The following INPP4B variants were observed in gnomAD, a reference collection of about 807,000 sequenced individuals.
The protein encoded by INPP4B is inositol polyphosphate 4-phosphatase type II.
A neutral mutation model predicts 122.5 loss-of-function variants in INPP4B; 55 were observed. The observed-to-expected ratio is 0.45, with a 90% CI of 0.36 to 0.56. The LOEUF (loss-of-function observed/expected upper bound fraction) is 0.56, where lower values mean the gene tolerates loss of function less well. Among genes scored for constraint, INPP4B ranks in the 20% least tolerant of loss-of-function variants. INPP4B has a pLI of 0.00. For synonymous variants in INPP4B, 403 were observed against 388.7 expected (o/e 1.04, Z -0.43); for missense variants, 1,000 against 1,097.7 (o/e 0.91, Z 1.26).
chr4:142,660,298 T>G (rs1386382234), intron 2 of INPP4B, among the ~76,000 whole-genome samples: 1 of 152,030 alleles, frequency 6.6e-6, no homozygotes, highest in Non-Finnish European at 1.5e-5. Flanking sequence ...GTTCTCTCTC[T>G]CCCTCACTTA....
intron 1 of INPP4B, among the ~76,000 whole-genome samples, chr4:142,825,209 A>G (rs1281579525): frequency 1.3e-5 from 2 of 152,090 alleles, no homozygotes; most frequent in Non-Finnish European, 2.9e-5. Context: ...CTTTTGTTCC[A>G]AGAGAGGATG....
intron 1 of INPP4B, among the ~76,000 whole-genome samples, chr4:142,733,127 G>A (rs1048075511): frequency 7.2e-5 from 11 of 152,058 alleles, no homozygotes; most frequent in African/African-American, 2.4e-4. Context: ...AATTTGTGGG[G>A]AAAAAGTGGA....
chr4:142,786,114 A>G (rs1201578481), intron 1 of INPP4B, among the ~76,000 whole-genome samples: 1 of 152,100 alleles, frequency 6.6e-6, no homozygotes, highest in Non-Finnish European at 1.5e-5. Context: ...ACAAATATCC[A>G]TAGGACCCAA....
At chr4:142,806,841 AAGAAAGAAAGG>A (rs1250698576) in intron 1 of INPP4B, among the ~76,000 whole-genome samples, 10 of 151,368 alleles carry the variant, frequency 6.6e-5, no homozygotes, top group African/African-American at 2.4e-4. Context: ...GAAAGAAAGA[AAGAAAGAAAGG>A]AGAAGAAAAA....
At chr4:142,051,161 C>G (rs1754375024) in intron 25 of INPP4B, among the ~76,000 whole-genome samples, 1 of 151,868 alleles carries the variant, frequency 6.6e-6, no homozygotes, top group African/African-American at 2.4e-5. Flanking sequence ...TATTCCTCCA[C>G]AAACAAGCAC....
chr4:142,039,006 T>C (rs1011350319), intron 25 of INPP4B, among the ~76,000 whole-genome samples: 2 of 152,170 alleles, frequency 1.3e-5, no homozygotes, highest in Admixed American at 1.3e-4. Context: ...CACTTCATGA[T>C]TGAGATCCCT....
At chr4:142,479,596 A>G (rs1315579306) in intron 2 of INPP4B, among the ~76,000 whole-genome samples, 2 of 152,162 alleles carry the variant, frequency 1.3e-5, no homozygotes, top group Non-Finnish European at 1.5e-5. Context: ...TAAAGAAAAT[A>G]TGGTACATAT....
intron 2 of INPP4B, among the ~76,000 whole-genome samples, chr4:142,500,530 G>A (rs1177665995): frequency 3.3e-5 from 5 of 152,130 alleles, no homozygotes; most frequent in Non-Finnish European, 7.4e-5. Context: ...TAAGCATCAG[G>A]AAAAGTAGTG....
intron 2 of INPP4B, among the ~76,000 whole-genome samples, chr4:142,676,993 G>A (rs1190960944): frequency 6.6e-6 from 1 of 152,016 alleles, no homozygotes; most frequent in African/African-American, 2.4e-5. Flanking sequence ...TTGACAAATA[G>A]AATATAATTA....
chr4:142,735,042 C>T (rs1345594848), intron 1 of INPP4B, among the ~76,000 whole-genome samples: 4 of 152,136 alleles, frequency 2.6e-5, no homozygotes, highest in African/African-American at 9.7e-5. Flanking sequence ...CAGGTGTGAT[C>T]ATTGGAGAAC....
rs66485353 is a variant in INPP4B at position 142,061,885 on chromosome 4, CATATATATATATATATAT to C, written c.2642+20128_2642+20145del. Among the ~76,000 whole-genome samples, 668 of 138,988 alleles carry C rather than the reference CATATATATATATATATAT, an allele frequency of 4.8e-3. 6 individuals carry two copies. The highest frequency in any genetic ancestry group is 0.019 in the African/African-American group (609 of 32,852). 91.2% of individuals were successfully genotyped at this position (138,988 alleles called of 152,430 possible). On this transcript the variant is annotated intron_variant, in intron 25 of 25. Coordinates refer to ENST00000262992, the MANE Select transcript of INPP4B (RefSeq NM_001101669.3). The stretch of plus-strand genomic sequence containing the variant: ...ATATGTACACACACACACACACACA[CATATATATATATATATAT>C]ATATATATATATATATATATATATA...
At chr4:142,619,644 TAAGGTTTCAGTTATGC>T (rs992215454) in intron 2 of INPP4B, among the ~76,000 whole-genome samples, 1 of 151,694 alleles carries the variant, frequency 6.6e-6, no homozygotes, top group Non-Finnish European at 1.5e-5. Flanking sequence ...CCAATAGGAG[TAAGGTTTCAGTTATGC>T]AAGGTTATTA....
rs1446370021 is a variant in INPP4B, at chr4:142,479,684, T to C, written c.-190-16958A>G. On this transcript the variant is annotated intron_variant, in intron 2 of 25. Coordinates refer to ENST00000262992, the MANE Select transcript of INPP4B (RefSeq NM_001101669.3). ...AGCAAATGAACGGAGCTGAAAGTCA[T>C]AATCCTAAGCGAACTAATGCAGGAA... is the stretch of plus-strand genomic sequence containing the variant. 4.6e-5 allele frequency among the ~76,000 whole-genome samples: 7 copies of C among 152,108 alleles called. No homozygotes were observed. The East Asian group carries it at 9.6e-4, about 21-fold the overall frequency.
chr4:142,402,776 C>A (rs141572367), intron 7 of INPP4B, among the ~76,000 whole-genome samples, 162 bp downstream of exon 7: 1 of 152,008 alleles, frequency 6.6e-6, no homozygotes, highest in Non-Finnish European at 1.5e-5. Context: ...AATTTGGCAA[C>A]GAGACAAACA....
intron 2 of INPP4B, among the ~76,000 whole-genome samples, chr4:142,665,784 C>T (rs57685634): frequency 0.024 from 3,677 of 152,136 alleles, 281 homozygotes; most frequent in Admixed American, 0.16. Flanking sequence ...ACTTCTTTTG[C>T]TTGATAAATC....
At chr4:142,610,932 C>A (rs1016525464) in intron 2 of INPP4B, among the ~76,000 whole-genome samples, 9 of 152,120 alleles carry the variant, frequency 5.9e-5, no homozygotes, top group African/African-American at 2.2e-4. Context: ...CTTTCTTGGA[C>A]CACCACAAAA....
intron 3 of INPP4B, among the ~76,000 whole-genome samples, chr4:142,432,288 CTAATAA>C (rs1177702069): frequency 6.6e-6 from 1 of 152,002 alleles, no homozygotes; most frequent in East Asian, 1.9e-4. Context: ...GTTTATAATA[CTAATAA>C]TGTCTCAAAC....
At chr4:142,272,472 C>T (rs1746331349) in intron 9 of INPP4B, among the ~76,000 whole-genome samples, 1 of 151,912 alleles carries the variant, frequency 6.6e-6, no homozygotes, top group Non-Finnish European at 1.5e-5. Flanking sequence ...AAGTGAAATG[C>T]TTCTTGGTGA....
chr4:142,684,058 CAAGAAAT>C (rs374969576), intron 2 of INPP4B, among the ~76,000 whole-genome samples: 5 of 152,048 alleles, frequency 3.3e-5, no homozygotes, highest in Non-Finnish European at 5.9e-5. Context: ...GATGAAAAGA[CAAGAAAT>C]AAGTTTGGAA....
Sources: gnomAD v4.1 joint callset for allele counts (sites outside exome capture counted in the v4.1 genomes callset) on GRCh38, gnomAD v4.1.1 for gene constraint, MANE v1.5 for transcripts, NCBI Gene and HGNC (gene_info 2026-07-23, HGNC 2026-07-21) for gene names.